The following PRKX variants were observed in gnomAD, a reference collection of about 807,000 sequenced individuals.
PRKX encodes the protein protein kinase cAMP-dependent X-linked catalytic subunit.
Under a neutral mutation model 22.0 loss-of-function variants are expected in PRKX, and 12 were observed. That is an observed-to-expected ratio of 0.54 (90% CI 0.35 to 0.88). The LOEUF (loss-of-function observed/expected upper bound fraction) is 0.88, where lower values mean the gene tolerates loss of function less well. Ranked by LOEUF, PRKX falls within the 40% of genes least tolerant of loss-of-function variation. The pLI is 0.01. For synonymous variants in PRKX, 134 were observed against 137.7 expected, an observed-to-expected ratio of 0.97 and a Z score of 0.19; for missense variants, 217 against 308.0, an observed-to-expected ratio of 0.70 and a Z score of 2.21.
At chrX:3,677,633 A>G (rs369739400) in intron 1 of PRKX, among the ~76,000 whole-genome samples, 2 of 112,230 alleles carry the variant, frequency 1.8e-5, no homozygotes, top group African/African-American at 6.5e-5. Flanking sequence ...GTTGTACTTA[A>G]GCTACCAATT....
intron 1 of PRKX, among the ~76,000 whole-genome samples, chrX:3,699,645 C>T (rs772696641): frequency 8.9e-6 from 1 of 112,468 alleles, no homozygotes; most frequent in Admixed American, 9.4e-5. Context: ...TGAGCCACGG[C>T]GCCCAGCCAG....
At chrX:3,613,996 C>T (rs1603472899) in intron 7 of PRKX, among the ~76,000 whole-genome samples, 2 of 110,594 alleles carry the variant, frequency 1.8e-5, no homozygotes, top group South Asian at 7.7e-4. Context: ...GGTGAAAACA[C>T]TACCATTGAC....
intron 5 of PRKX, among the ~76,000 whole-genome samples, chrX:3,625,917 G>A (rs1462206960): frequency 9.0e-6 from 1 of 111,632 alleles, no homozygotes; most frequent in Non-Finnish European, 1.9e-5. Context: ...CTACTGCCAC[G>A]ACCTTTATAA....
rs1405533390 is a variant in PRKX at position 3,605,769 on chromosome X, A to AT, written c.*3199dup. The AT allele has an allele frequency of 8.9e-6, 1 of 112,307 alleles. No individual in the cohort carries two copies. Among genetic ancestry groups the AT allele is most frequent in the Non-Finnish European group, 1.9e-5 (1 of 53,298 alleles). The allele number at this position is 112,307 out of a possible 1,213,427, so 9.3% of individuals were successfully genotyped here. On this transcript the variant is annotated 3_prime_UTR_variant, in exon 9 of 9. Transcript: ENST00000262848. Reference sequence around the variant, plus strand: ...GTGATTGTGCAGTTGTTTGATGGGCATGGAGAGGGAGTGGGGCTGAACTGC... The same window carrying AT: ...GTGATTGTGCAGTTGTTTGATGGGCATTGGAGAGGGAGTGGGGCTGAACTGC...
chrX:3,611,596 T>C (rs2146553585), intron 8 of PRKX, among the ~76,000 whole-genome samples: 1 of 111,929 alleles, frequency 8.9e-6, no homozygotes, highest in East Asian at 2.8e-4. Context: ...TTTTCAGTCA[T>C]CTTAAATTAA....
At chrX:3,652,711 G>A (rs188242665) in intron 3 of PRKX, among the ~76,000 whole-genome samples, 1 of 112,183 alleles carries the variant, frequency 8.9e-6, no homozygotes, top group African/African-American at 3.2e-5. Context: ...CTTATATGCT[G>A]CAGTCCTAAC....
chrX:3,686,884 C>A (rs867380195), intron 1 of PRKX, among the ~76,000 whole-genome samples: 1 of 111,886 alleles, frequency 8.9e-6, no homozygotes, highest in Non-Finnish European at 1.9e-5. Flanking sequence ...TGGTAAAATA[C>A]GCACAACATA....
chrX:3,626,876 G>A (rs186265548), intron 4 of PRKX, among the ~76,000 whole-genome samples: 50 of 111,759 alleles, frequency 4.5e-4, no homozygotes, highest in Non-Finnish European at 8.1e-4. Context: ...CATGTTTACC[G>A]GGGTGAATCC....
At chrX:3,678,151 C>T (rs183240329) in intron 1 of PRKX, among the ~76,000 whole-genome samples, 1 of 111,940 alleles carries the variant, frequency 8.9e-6, no homozygotes, top group African/African-American at 3.2e-5. Context: ...CAAGCTTATC[C>T]TGCCATTGGA....
chrX:3,635,790 T>C (rs1044428997), intron 4 of PRKX, among the ~76,000 whole-genome samples: 2 of 111,351 alleles, frequency 1.8e-5, no homozygotes, highest in African/African-American at 6.5e-5. Flanking sequence ...GGGGTCCCAC[T>C]ATGTTGCCCA....
At chrX:3,667,323 G>T (rs994757951) in intron 2 of PRKX, 9 of 111,700 alleles carry the variant, frequency 8.1e-5, no homozygotes, top group African/African-American at 2.9e-4. Context: ...TACCGTAGAA[G>T]TTGGTCCTCC....
intron 1 of PRKX, among the ~76,000 whole-genome samples, chrX:3,693,894 T>G (rs772779085): frequency 6.6e-5 from 6 of 90,435 alleles, no homozygotes; most frequent in South Asian, 1.1e-3. Context: ...GAGCCGAGAT[T>G]GCGCCACTGC....
chrX:3,646,842 G>T (rs1927198419), intron 3 of PRKX, among the ~76,000 whole-genome samples: 1 of 110,797 alleles, frequency 9.0e-6, no homozygotes, highest in Non-Finnish European at 1.9e-5. Context: ...CCCTGGGAGG[G>T]GTTTCCTCGG....
intron 1 of PRKX, among the ~76,000 whole-genome samples, chrX:3,701,756 G>C (rs1928579757): frequency 9.0e-6 from 1 of 111,504 alleles, no homozygotes; most frequent in Non-Finnish European, 1.9e-5. Flanking sequence ...TTGCGGTAAA[G>C]AAGCTGGCCA....
At chrX:3,700,877 C>G (rs1029843270) in intron 1 of PRKX, among the ~76,000 whole-genome samples, 1 of 111,338 alleles carries the variant, frequency 9.0e-6, no homozygotes, top group Admixed American at 9.6e-5. Context: ...TGGGGGATTA[C>G]AGGTGTTCAG....
At chrX:3,670,184 G>T (rs931120340) in intron 2 of PRKX, 6 of 124,061 alleles carry the variant, frequency 4.8e-5, no homozygotes, top group African/African-American at 1.6e-4. Flanking sequence ...CTTACATTTA[G>T]AAGAGAAGCT....
At chrX:3,705,863 TG>T (rs1316163734) in intron 1 of PRKX, among the ~76,000 whole-genome samples, 4 of 107,539 alleles carry the variant, frequency 3.7e-5, no homozygotes, top group African/African-American at 1.4e-4. Context: ...AATTTTTTTT[TG>T]TATTTTTAGT....
chrX:3,644,290 T>C lies in PRKX; in HGVS notation c.600-2319A>G, dbSNP rs377476151. On this transcript the variant is annotated intron_variant, in intron 3 of 8. Transcript: ENST00000262848. ...GCTGAAGTGCACTTGTAGTCTCAGC[T>C]AGTCGGGAGGCTGAGATGGAAGGAT... Among the ~76,000 whole-genome samples, 3 of 93,662 alleles carry C rather than the reference T, an allele frequency of 3.2e-5. No homozygotes were observed. In the East Asian group the frequency reaches 1.0e-3, roughly 31 times the overall value. The allele number at this position is 93,662 out of a possible 115,157, so 81.3% of individuals were successfully genotyped here.
intron 4 of PRKX, among the ~76,000 whole-genome samples, chrX:3,632,528 T>C (rs1296372228): frequency 1.8e-5 from 2 of 112,002 alleles, no homozygotes. Flanking sequence ...AAATGTGCCA[T>C]ACATACCTAA....
Sources: allele counts gnomAD v4.1 joint callset (sites outside exome capture counted in the v4.1 genomes callset), GRCh38; gene constraint gnomAD v4.1.1; transcripts MANE v1.5; gene names NCBI Gene and HGNC (gene_info 2026-07-23, HGNC 2026-07-21).